Variants in PRELID2 observed in about 807,000 individuals in gnomAD.
PRELID2 encodes the protein PRELI domain-containing protein 2.
A neutral mutation model predicts 28.4 loss-of-function variants in PRELID2; 25 were observed. The ratio of observed to expected loss-of-function variants is 0.88; its 90% confidence interval spans 0.64 to 1.23. PRELID2 has a LOEUF of 1.23. PRELID2 is among the 50% of genes most tolerant of loss of function. The pLI, the probability that PRELID2 is intolerant of heterozygous loss-of-function variation, is 0.00. For missense variants in PRELID2, 201 were observed against 214.4 expected (o/e 0.94, Z 0.39); for synonymous variants, 76 against 71.6 (o/e 1.06, Z -0.31).
At chr5:145,692,394 C>T (rs1755169190) in intron 1 of PRELID2, among the ~76,000 whole-genome samples, 1 of 151,852 alleles carries the variant, frequency 6.6e-6, no homozygotes, top group Non-Finnish European at 1.5e-5. Context: ...ACACATACCC[C>T]CTAGGCCTCA....
rs191712147 is a variant in PRELID2, at chr5:145,573,269, C to G, written n.71-99954G>C. ...GTCTAGGCTTCTAGCAACATTCAGA[C>G]AGAATATAATAACTAGTCCCCAAAT... On this transcript the variant is annotated intron_variant and non_coding_transcript_variant, in intron 1 of 2. Coordinates refer to the PRELID2 transcript ENST00000510259. 1.7e-3 allele frequency among the ~76,000 whole-genome samples: 255 copies of G among 152,226 alleles called. 11 individuals carry two copies. In the South Asian group the frequency reaches 0.045, roughly 27 times the overall value.
the PRELID2 span, among the ~76,000 whole-genome samples, chr5:145,272,874 C>G: frequency 1.3e-5 from 2 of 152,010 alleles, no homozygotes; most frequent in African/African-American, 4.8e-5. Context: ...GTGAAGACCT[C>G]ACAAATGGAA....
intron 1 of PRELID2, among the ~76,000 whole-genome samples, chr5:145,696,277 G>C (rs1755260423): frequency 6.7e-6 from 1 of 148,480 alleles, no homozygotes; most frequent in South Asian, 2.1e-4. Flanking sequence ...GAGGGCTCCT[G>C]AGACAGGCAC....
At chr5:145,446,682 A>G in the PRELID2 span, among the ~76,000 whole-genome samples, 1 of 152,146 alleles carries the variant, frequency 6.6e-6, no homozygotes, top group South Asian at 2.1e-4. Context: ...TATCATCTTC[A>G]TGAGCCACAT....
chr5:145,384,068 A>T, the PRELID2 span, among the ~76,000 whole-genome samples: 8 of 152,184 alleles, frequency 5.3e-5, no homozygotes, highest in Non-Finnish European at 1.2e-4. Context: ...GATACTCAAG[A>T]TCATTAACCT....
At chr5:145,317,477 A>T in the PRELID2 span, among the ~76,000 whole-genome samples, 1 of 152,132 alleles carries the variant, frequency 6.6e-6, no homozygotes, top group Non-Finnish European at 1.5e-5. Context: ...TCTCTCTGTT[A>T]TCCTTTGTCT....
intron 1 of PRELID2, among the ~76,000 whole-genome samples, chr5:145,585,556 A>G (rs1753146201): frequency 6.6e-6 from 1 of 152,154 alleles, no homozygotes; most frequent in Non-Finnish European, 1.5e-5. Context: ...CCAGACACCT[A>G]GAAAAGTTGA....
At chr5:145,304,485 T>G in the PRELID2 span, among the ~76,000 whole-genome samples, 1 of 152,336 alleles carries the variant, frequency 6.6e-6, no homozygotes, top group Admixed American at 6.5e-5. Flanking sequence ...ACACTTCATT[T>G]CTGTTTATCT....
rs867712074 is a variant in PRELID2, at chr5:145,596,466, T to A, written n.71-123151A>T. On this transcript the variant is annotated intron_variant and non_coding_transcript_variant, in intron 1 of 2. Coordinates refer to the PRELID2 transcript ENST00000510259. Reference sequence around the variant, plus strand: ...AAAATCAGCCAAAACATTGGGTGATTCTTGTTCTTGTTTCAAATGAGAAGA... The same window carrying A: ...AAAATCAGCCAAAACATTGGGTGATACTTGTTCTTGTTTCAAATGAGAAGA... Among the ~76,000 whole-genome samples the A allele has an allele frequency of 3.9e-5, 6 of 152,110 alleles. No individual in the cohort carries two copies. In the South Asian group the frequency reaches 1.2e-3, roughly 32 times the overall value.
chr5:145,711,212 T>C (rs1241074332), intron 1 of PRELID2, among the ~76,000 whole-genome samples: 3 of 152,146 alleles, frequency 2.0e-5, no homozygotes, highest in Admixed American at 6.5e-5. Context: ...CATTTTCACT[T>C]AGAAAGTAGG....
At chr5:145,492,017 T>C (rs770987392) in intron 1 of PRELID2, among the ~76,000 whole-genome samples, 1 of 152,304 alleles carries the variant, frequency 6.6e-6, no homozygotes, top group Non-Finnish European at 1.5e-5. Context: ...AGTGCAGATA[T>C]CATTTGACAT....
At chr5:145,509,567 GAAAGAGGAGT>G (rs1752443346) in intron 1 of PRELID2, among the ~76,000 whole-genome samples, 1 of 152,188 alleles carries the variant, frequency 6.6e-6, no homozygotes, top group African/African-American at 2.4e-5. Flanking sequence ...TGCCATCTCT[GAAAGAGGAGT>G]TCTGCCAGAA....
intron 1 of PRELID2, among the ~76,000 whole-genome samples, chr5:145,696,289 G>T (rs1581067327): frequency 6.7e-6 from 1 of 149,432 alleles, no homozygotes; most frequent in East Asian, 2.0e-4. Flanking sequence ...GACAGGCACT[G>T]CTTGACACAA....
chr5:145,672,401 C>G (rs1754725264), intron 1 of PRELID2, among the ~76,000 whole-genome samples: 2 of 150,808 alleles, frequency 1.3e-5, no homozygotes. Context: ...CCAGTGCCGG[C>G]ATTCGCAAAA....
intron 4 of PRELID2, among the ~76,000 whole-genome samples, chr5:145,817,198 A>AAAAAAATATATATATAT (rs1365517052): frequency 4.3e-5 from 3 of 70,088 alleles, no homozygotes; most frequent in Non-Finnish European, 9.8e-5. Context: ...TTCAAAAAAA[A>AAAAAAATATATATATAT]ATAAATAAAT....
chr5:145,551,331 G>T (rs1299870380), intron 1 of PRELID2, among the ~76,000 whole-genome samples: 1 of 151,996 alleles, frequency 6.6e-6, no homozygotes, highest in African/African-American at 2.4e-5. Context: ...AACCCAGGAG[G>T]CAGAGGTTGC....
the PRELID2 span, chr5:145,230,129 AT>A: frequency 1.9e-6 from 1 of 536,564 alleles, no homozygotes; most frequent in Non-Finnish European, 3.5e-6. Flanking sequence ...TGTTGTGATA[AT>A]TTGTAATTGT....
At chr5:145,525,832 C>T (rs535377492) in intron 1 of PRELID2, among the ~76,000 whole-genome samples, 1 of 152,284 alleles carries the variant, frequency 6.6e-6, no homozygotes, top group East Asian at 1.9e-4. Context: ...GTGGATATAT[C>T]TGACATTCTA....
intron 1 of PRELID2, among the ~76,000 whole-genome samples, chr5:145,480,308 C>A (rs1253372263): frequency 6.6e-6 from 1 of 151,968 alleles, no homozygotes; most frequent in Admixed American, 6.6e-5. Flanking sequence ...GCTTATTGTA[C>A]CTTGCTGTGT....
Sources: allele counts gnomAD v4.1 joint callset (sites outside exome capture counted in the v4.1 genomes callset), GRCh38; gene constraint gnomAD v4.1.1; transcripts MANE v1.5; gene names NCBI Gene and HGNC (gene_info 2026-07-23, HGNC 2026-07-21).